The following LPIN2 variants were observed in gnomAD, a reference collection of about 807,000 sequenced individuals.
The protein encoded by LPIN2 is phosphatidate phosphatase LPIN2.
Under a neutral mutation model 111.4 loss-of-function variants are expected in LPIN2, and 55 were observed. The ratio of observed to expected loss-of-function variants is 0.49; its 90% confidence interval spans 0.40 to 0.62. LPIN2 has a LOEUF of 0.62. Among genes scored for constraint, LPIN2 ranks in the 20% least tolerant of loss-of-function variants. The pLI is 0.00. For missense variants in LPIN2, 992 were observed against 1,112.1 expected (o/e 0.89, Z 1.54); for synonymous variants, 425 against 414.0 (o/e 1.03, Z -0.32).
intron 1 of LPIN2, among the ~76,000 whole-genome samples, chr18:2,986,551 A>G (rs1307063160): frequency 6.6e-6 from 1 of 151,788 alleles, no homozygotes; most frequent in Non-Finnish European, 1.5e-5. Flanking sequence ...TTAATGTAAA[A>G]AAAAAAAAAA....
intron 3 of LPIN2, among the ~76,000 whole-genome samples, chr18:2,952,732 C>T (rs751163460): frequency 1.1e-4 from 17 of 152,108 alleles, no homozygotes; most frequent in Non-Finnish European, 2.2e-4. Context: ...TTACTGAAAG[C>T]TCTTTTTGTT....
chr18:3,001,142 A>G (rs917115744), intron 1 of LPIN2, among the ~76,000 whole-genome samples: 1 of 152,212 alleles, frequency 6.6e-6, no homozygotes, highest in Non-Finnish European at 1.5e-5. Context: ...TCAGACACGT[A>G]AGCTCTCAAA....
At chr18:2,965,644 C>A (rs1044837111) in intron 1 of LPIN2, among the ~76,000 whole-genome samples, 1 of 149,268 alleles carries the variant, frequency 6.7e-6, no homozygotes, top group Non-Finnish European at 1.5e-5. Context: ...GCAGGAGAAT[C>A]GCTTGAACCC....
intron 1 of LPIN2, among the ~76,000 whole-genome samples, chr18:3,008,491 A>G (rs918348717): frequency 1.3e-5 from 2 of 152,236 alleles, no homozygotes; most frequent in Non-Finnish European, 2.9e-5. Context: ...TATCCCTTTC[A>G]TTTTATTTCA....
At chr18:2,927,044 C>A (rs1272179226) in intron 12 of LPIN2, among the ~76,000 whole-genome samples, 1 of 152,174 alleles carries the variant, frequency 6.6e-6, no homozygotes, top group Non-Finnish European at 1.5e-5. Flanking sequence ...TTAAGAGCAC[C>A]ATTTCAAGTC....
Position 2,921,435 on chromosome 18 carries a change from A to C in LPIN2, c.2442+98T>G, listed in dbSNP as rs189153446. ...GCAGAACAGATGCCTCATTTTGCTTACAAAACTGCTTTGAGAATTGGGACG... is the reference window on the plus strand; with the variant it reads ...GCAGAACAGATGCCTCATTTTGCTTCCAAAACTGCTTTGAGAATTGGGACG... On this transcript the variant is annotated intron_variant, in intron 18 of 19. Transcript: ENST00000677752. 3.0e-3 allele frequency: 2,761 copies of C among 919,276 alleles called. 9 individuals carry two copies. Among genetic ancestry groups the C allele is most frequent in the Admixed American group, 6.9e-3 (394 of 56,928 alleles). 56.9% of individuals were successfully genotyped at this position (919,276 alleles called of 1,614,324 possible). A position where few individuals can be genotyped will look rare whatever the true frequency, so the allele number is the denominator to read the frequency against.
intron 16 of LPIN2, 104 bp from the exon 17 acceptor site, chr18:2,922,303 C>G (rs1277600592): frequency 1.5e-6 from 2 of 1,333,480 alleles, no homozygotes; most frequent in South Asian, 2.6e-5. Flanking sequence ...TTTTTTGAGT[C>G]TCACTCTGTT....
At chr18:2,922,259 A>G (rs774247039) in intron 16 of LPIN2, 60 bp from the exon 17 acceptor site, 2 of 1,566,720 alleles carry the variant, frequency 1.3e-6, no homozygotes, top group Admixed American at 1.8e-5. Context: ...GAAAACAAAA[A>G]ACAAAAAAAA....
At chr18:2,990,905 G>A (rs2078255845) in intron 1 of LPIN2, 1 of 545,974 alleles carries the variant, frequency 1.8e-6, no homozygotes, top group Non-Finnish European at 3.6e-6. Flanking sequence ...ATCCTGGTAT[G>A]ATGCCAGCAC....
chr18:2,924,341 T>G (rs560662784), intron 15 of LPIN2, 57 bp downstream of exon 15: 1 of 1,607,392 alleles, frequency 6.2e-7, no homozygotes, highest in Non-Finnish European at 8.5e-7. Context: ...ACACACTGCC[T>G]GCCCCTCCCT....
rs144674165 is a variant in LPIN2 at position 2,935,787 on chromosome 18, TGAATGGA to T, written c.1169-1344_1169-1338del. On this transcript the variant is annotated intron_variant, in intron 7 of 19. Coordinates refer to ENST00000677752, the MANE Select transcript of LPIN2 (RefSeq NM_001375808.2). Reference sequence around the variant, plus strand: ...TTATTAATAAAACACTGTATGTGGATGAATGGAGAGATGTAGGGAGAGAGGGGTTGAG... The same window carrying T: ...TTATTAATAAAACACTGTATGTGGATGAGATGTAGGGAGAGAGGGGTTGAG... Among the ~76,000 whole-genome samples the T allele has an allele frequency of 7.8e-4, 118 of 152,124 alleles. No individual in the cohort carries two copies. In the East Asian group the frequency reaches 0.017, roughly 22 times the overall value.
At chr18:2,994,618 A>G (rs555876845) in intron 1 of LPIN2, among the ~76,000 whole-genome samples, 19 of 152,216 alleles carry the variant, frequency 1.2e-4, no homozygotes, top group Non-Finnish European at 2.5e-4. Flanking sequence ...TTGGATTTAC[A>G]GCTTTTAATA....
chr18:3,012,732 G>A (rs886118683), intron 1 of LPIN2, among the ~76,000 whole-genome samples: 1 of 152,126 alleles, frequency 6.6e-6, no homozygotes, highest in Non-Finnish European at 1.5e-5. Flanking sequence ...GGTGGTCTCG[G>A]GTAACCATCC....
chr18:3,011,180 AAAG>A lies in LPIN2; in HGVS notation c.-10+1904_-10+1906del, dbSNP rs565201648. On this transcript the variant is annotated intron_variant, in intron 1 of 19. Coordinates refer to ENST00000677752, the MANE Select transcript of LPIN2 (RefSeq NM_001375808.2). ...TCTATTGCTACATTCTCCTAGCAAT[AAAG>A]AAGACAAAGCCCCAGCTGACTCTAT... Among the ~76,000 whole-genome samples the A allele has an allele frequency of 5.3e-5, 8 of 152,322 alleles. No individual in the cohort carries two copies. In the South Asian group the frequency reaches 6.2e-4, roughly 12 times the overall value.
chr18:2,953,516 T>C (rs1159749830), intron 3 of LPIN2, among the ~76,000 whole-genome samples: 1 of 152,216 alleles, frequency 6.6e-6, no homozygotes, highest in Non-Finnish European at 1.5e-5. Flanking sequence ...AAGCTTCCCC[T>C]TCATAAATCA....
chr18:2,982,633 C>A, intron 1 of LPIN2: 1 of 1,052,846 alleles, frequency 9.5e-7, no homozygotes, highest in Non-Finnish European at 1.3e-6. Flanking sequence ...GAGCAAGCAG[C>A]GAAGGGAGCA....
Position 3,006,406 on chromosome 18 carries a change from T to C in LPIN2, c.-10+6681A>G, listed in dbSNP as rs2078515861. Among the ~76,000 whole-genome samples the C allele has an allele frequency of 2.0e-5, 3 of 152,176 alleles. No individual in the cohort carries two copies. The South Asian group carries it at 6.2e-4, about 31-fold the overall frequency. On this transcript the variant is annotated intron_variant, in intron 1 of 19. Coordinates refer to ENST00000677752, the MANE Select transcript of LPIN2 (RefSeq NM_001375808.2). ...CCTGCAACAGAAGATCAGTCCTTTC[T>C]TACAAAGCATTTGTTGACCGGGCAC...
chr18:2,971,756 A>AG (rs982175828), intron 1 of LPIN2, among the ~76,000 whole-genome samples: 8 of 151,256 alleles, frequency 5.3e-5, no homozygotes, highest in African/African-American at 1.5e-4. Context: ...GGAAAAAAAA[A>AG]AAAAAAACAG....
chr18:2,978,190 A>C (rs1394277396), intron 1 of LPIN2, among the ~76,000 whole-genome samples: 3 of 152,140 alleles, frequency 2.0e-5, no homozygotes, highest in Non-Finnish European at 4.4e-5. Flanking sequence ...CTGTCTTTTA[A>C]AAAATAAAAA....
Sources: allele counts gnomAD v4.1 joint callset (sites outside exome capture counted in the v4.1 genomes callset), GRCh38; gene constraint gnomAD v4.1.1; transcripts MANE v1.5; gene names NCBI Gene and HGNC (gene_info 2026-07-23, HGNC 2026-07-21).